The following TRIM34 variants were observed in gnomAD, a reference collection of about 807,000 sequenced individuals.
TRIM34 encodes the protein tripartite motif containing 34, also known as E3 ubiquitin-protein ligase TRIM34.
TRIM34 carries 41 observed loss-of-function variants against 38.1 expected under a neutral mutation model. The ratio of observed to expected loss-of-function variants is 1.08; its 90% CI spans 0.84 to 1.40. The LOEUF (loss-of-function observed/expected upper bound fraction) is 1.40, where lower values mean the gene tolerates loss of function less well. Ranked by LOEUF, TRIM34 falls within the 40% of genes most tolerant of loss-of-function variation. The pLI is 0.00. For synonymous variants in TRIM34, 200 were observed against 202.5 expected, an observed-to-expected ratio of 0.99 and a Z score of 0.10; for missense variants, 556 against 571.4, an observed-to-expected ratio of 0.97 and a Z score of 0.27.
At chr11:5,625,488 G>A (rs1205674803) in intron 1 of TRIM34, among the ~76,000 whole-genome samples, 1 of 152,192 alleles carries the variant, frequency 6.6e-6, no homozygotes, top group Admixed American at 6.5e-5. Flanking sequence ...TGTTTTCCAA[G>A]TGTGTGCAGG....
At chr11:5,642,282 C>G (rs904602655) in intron 5 of TRIM34, 124 bp from the exon 6 acceptor site, 60 of 774,590 alleles carry the variant, frequency 7.7e-5, no homozygotes, top group Non-Finnish European at 1.6e-5. Context: ...CCTTCTCCCC[C>G]TCCTCAGGCT....
At position 5,641,814 on chromosome 11, in the gene TRIM34, G is replaced by T. The variant is rs113639683; in HGVS notation, c.774-592G>T. Among the ~76,000 whole-genome samples, 562 of 152,244 alleles carry T rather than the reference G, an allele frequency of 3.7e-3. 3 individuals carry two copies. The highest frequency in any genetic ancestry group is 0.012 in the African/African-American group (513 of 41,546). On this transcript the variant is annotated intron_variant, in intron 5 of 7. Transcript: ENST00000429814. ...TTGGAAACATCAAGTTTCTTACAAA[G>T]ACATAAAATTCTAACCATTTTTAGT...
chr11:5,639,763 A>G (rs1849919657), intron 4 of TRIM34, among the ~76,000 whole-genome samples: 1 of 150,958 alleles, frequency 6.6e-6, no homozygotes, highest in South Asian at 2.1e-4. Context: ...CTGACTGTAC[A>G]TAAGACTATG....
chr11:5,625,565 G>T (rs1028922088), intron 1 of TRIM34, among the ~76,000 whole-genome samples: 1 of 152,148 alleles, frequency 6.6e-6, no homozygotes, highest in African/African-American at 2.4e-5. Flanking sequence ...GGTTGAAGTG[G>T]GTTCTTTTGC....
chr11:5,639,006 C>G lies in TRIM34; in HGVS notation c.751-2161C>G, dbSNP rs77998723. Among the ~76,000 whole-genome samples, 1,083 of 152,110 alleles carry G rather than the reference C, an allele frequency of 7.1e-3. 15 individuals are homozygous for G. Among genetic ancestry groups the G allele is most frequent in the African/African-American group, 0.024 (992 of 41,476 alleles). On this transcript the variant is annotated intron_variant, in intron 4 of 7. Transcript: ENST00000429814. ...TGTTTCAATCTATATCTATCTTTAA[C>G]TAGGGTCTGGGGTCTAGAAAGCTTT...
intron 1 of TRIM34, among the ~76,000 whole-genome samples, chr11:5,629,936 T>G (rs930930522): frequency 2.0e-5 from 3 of 151,998 alleles, no homozygotes; most frequent in African/African-American, 4.8e-5. Flanking sequence ...TTGATCTCCT[T>G]ACCTCGTGAT....
At chr11:5,620,509 T>C (rs1053576845), upstream of TRIM34, among the ~76,000 whole-genome samples, 4 of 152,164 alleles carry the variant, frequency 2.6e-5, no homozygotes, top group African/African-American at 9.7e-5. Flanking sequence ...CCAAGCTTTT[T>C]TTCTCTTGTG....
At chr11:5,642,786 A>G in intron 6 of TRIM34, 31 bp from the exon 7 acceptor site, 1 of 1,613,756 alleles carries the variant, frequency 6.2e-7, no homozygotes, top group Non-Finnish European at 8.5e-7. Flanking sequence ...TTTGTTTCTA[A>G]TCAGCATCAC....
At chr11:5,641,556 A>G (rs1267274795) in intron 5 of TRIM34, among the ~76,000 whole-genome samples, 1 of 152,146 alleles carries the variant, frequency 6.6e-6, no homozygotes, top group African/African-American at 2.4e-5. Context: ...GCCTTGTCAA[A>G]TCCTAAAATA....
intron 1 of TRIM34, among the ~76,000 whole-genome samples, chr11:5,631,429 A>G (rs1296653702): frequency 2.0e-5 from 3 of 152,200 alleles, no homozygotes; most frequent in Admixed American, 6.5e-5. Context: ...TTTGTAAATC[A>G]TTTAATTTTA....
chr11:5,643,545 G>A lies in TRIM34; in HGVS notation c.1303G>A (p.Val435Ile). The A allele has an allele frequency of 6.2e-7, 1 of 1,614,126 alleles. No homozygotes were observed. Among genetic ancestry groups the A allele is most frequent in the Non-Finnish European group, 8.5e-7 (1 of 1,180,032 alleles). Residue 435 changes from valine (V) to isoleucine (I), a missense_variant, in exon 8 of 8, where the codon GTT becomes ATT. Val to Ile is a conservative substitution (Grantham distance 29). Transcript: ENST00000429814. ...SMAVPPCRVG[V>I]FLDYEAGIVS... is the part of the protein sequence containing the mutation. ...GGCTGTGCCTCCCTGCCGTGTTGGG[G>A]TTTTCCTCGACTATGAAGCAGGCAT...
intron 4 of TRIM34, among the ~76,000 whole-genome samples, chr11:5,636,306 G>A (rs959542019): frequency 2.6e-5 from 4 of 152,170 alleles, no homozygotes; most frequent in African/African-American, 9.7e-5. Flanking sequence ...TTATATGAAA[G>A]TCTGTAAGTA....
intron 3 of TRIM34, 55 bp from the exon 4 acceptor site, chr11:5,634,576 C>T (rs531021948): frequency 4.5e-5 from 68 of 1,517,272 alleles, no homozygotes; most frequent in African/African-American, 5.7e-5. Flanking sequence ...ATCCCTTGCA[C>T]AATAGGCCTT....
At chr11:5,633,688 C>T (rs1177372929) in intron 2 of TRIM34, 116 bp from the exon 3 acceptor site, 1 of 992,302 alleles carries the variant, frequency 1.0e-6, no homozygotes, top group African/African-American at 1.6e-5. Flanking sequence ...TCACCAGCTT[C>T]ACAGTTTCTG....
chr11:5,623,290 G>T (rs1027438067), upstream of TRIM34, among the ~76,000 whole-genome samples: 3 of 151,910 alleles, frequency 2.0e-5, no homozygotes, highest in Non-Finnish European at 2.9e-5. Context: ...ATAAGGAAAA[G>T]AAATCTGAAA....
chr11:5,643,305 G>A lies in TRIM34; in HGVS notation c.1063G>A (p.Val355Met), dbSNP rs767794973. The change falls in exon 8 of 8, where the codon GTG becomes ATG. Residue 355 changes from valine (V) to methionine (M), a missense_variant. Coordinates refer to ENST00000429814, the MANE Select transcript of TRIM34 (RefSeq NM_021616.6). ...TGGGAAACATTACTGGGAAGTGGAC[G>A]TGTCCAAGAAAACTGCCTGGATCCT... ...SSGKHYWEVD[V>M]SKKTAWILGV... 2.1e-5 allele frequency: 34 copies of A among 1,613,810 alleles called. No individual in the cohort carries two copies. In the Admixed American group the frequency reaches 3.3e-4, roughly 16 times the overall value.
intron 2 of TRIM34, among the ~76,000 whole-genome samples, chr11:5,633,014 A>AT (rs1849555862): frequency 1.8e-5 from 1 of 56,574 alleles, no homozygotes; most frequent in Non-Finnish European, 3.7e-5. Flanking sequence ...TTTTTTTTGG[A>AT]TTTTTAGTAG....
intron 4 of TRIM34, among the ~76,000 whole-genome samples, chr11:5,635,287 G>T (rs532740957): frequency 1.5e-5 from 2 of 137,874 alleles, no homozygotes; most frequent in African/African-American, 5.6e-5. Flanking sequence ...ACGGAGTCTC[G>T]CTCTGTCTCC....
intron 5 of TRIM34, among the ~76,000 whole-genome samples, chr11:5,641,917 T>C (rs971026856): frequency 1.3e-5 from 2 of 152,170 alleles, no homozygotes; most frequent in African/African-American, 4.8e-5. Flanking sequence ...GCCATTCCAC[T>C]GGAGTTCAGG....
Sources: gnomAD v4.1 joint callset for allele counts (sites outside exome capture counted in the v4.1 genomes callset) on GRCh38, gnomAD v4.1.1 for gene constraint, MANE v1.5 for transcripts, NCBI Gene and HGNC (gene_info 2026-07-23, HGNC 2026-07-21) for gene names.